Variants in ANKFN1 observed in about 807,000 individuals in gnomAD.
The protein encoded by ANKFN1 is ankyrin repeat and fibronectin type-III domain-containing protein 1.
ANKFN1 carries 74 observed loss-of-function variants against 108.7 expected under a neutral mutation model. The observed-to-expected ratio is 0.68, with a 90% CI of 0.56 to 0.83. The LOEUF is 0.83. Ranked by LOEUF, ANKFN1 falls within the 40% of genes least tolerant of loss-of-function variation. The pLI is 0.00. For missense variants in ANKFN1, 1,505 were observed against 1,382.3 expected, an observed-to-expected ratio of 1.09 and a Z score of -1.41; for synonymous variants, 547 against 516.2, an observed-to-expected ratio of 1.06 and a Z score of -0.81.
At chr17:56,471,191 A>T (rs1270432381) in intron 15 of ANKFN1, 1 of 152,696 alleles carries the variant, frequency 6.5e-6, no homozygotes, top group Admixed American at 6.5e-5. Flanking sequence ...GACCAAACCC[A>T]CAACTTCTGA....
At chr17:56,477,838 G>T (rs113852890) in intron 16 of ANKFN1, among the ~76,000 whole-genome samples, 184 bp downstream of exon 16, 1 of 151,826 alleles carries the variant, frequency 6.6e-6, no homozygotes, top group Non-Finnish European at 1.5e-5. Context: ...TGTTGTTGTT[G>T]TTTTTTGAGA....
chr17:56,312,559 A>G (rs1388290351), intron 3 of ANKFN1, among the ~76,000 whole-genome samples: 2 of 152,086 alleles, frequency 1.3e-5, no homozygotes, highest in Admixed American at 6.5e-5. Context: ...CTGGCCCTCC[A>G]TGGTCCTCCA....
At chr17:56,493,435 A>G (rs946482513) in intron 19 of ANKFN1, among the ~76,000 whole-genome samples, 1 of 152,188 alleles carries the variant, frequency 6.6e-6, no homozygotes, top group African/African-American at 2.4e-5. Flanking sequence ...GAAAGTATAA[A>G]CAGATGAGGC....
chr17:56,447,323 T>G (rs562370629), intron 10 of ANKFN1, among the ~76,000 whole-genome samples: 52 of 152,298 alleles, frequency 3.4e-4, no homozygotes, highest in African/African-American at 1.2e-3. Flanking sequence ...GAACAAAGAC[T>G]CTACAAAAGG....
At chr17:56,296,740 T>C (rs974060299) in intron 3 of ANKFN1, among the ~76,000 whole-genome samples, 7 of 152,174 alleles carry the variant, frequency 4.6e-5, no homozygotes, top group African/African-American at 1.7e-4. Flanking sequence ...GTGAAGCGCA[T>C]GAGCTTTGGA....
At chr17:56,485,480 A>G (rs2050825666) in intron 18 of ANKFN1, among the ~76,000 whole-genome samples, 1 of 152,186 alleles carries the variant, frequency 6.6e-6, no homozygotes, top group Non-Finnish European at 1.5e-5. Context: ...AAGATAGGAG[A>G]TGAGGTCAGA....
At chr17:56,131,276 C>T (rs983295644) in intron 4 of ANKFN1, among the ~76,000 whole-genome samples, 4 of 152,176 alleles carry the variant, frequency 2.6e-5, no homozygotes, top group African/African-American at 9.7e-5. Flanking sequence ...TTGAAACAAA[C>T]TGTATCTGTA....
chr17:56,068,116 C>G (rs1037550522), intron 4 of ANKFN1, among the ~76,000 whole-genome samples: 4 of 152,118 alleles, frequency 2.6e-5, no homozygotes, highest in African/African-American at 9.7e-5. Context: ...TTAACCTTGG[C>G]CTGGGAGACC....
intron 4 of ANKFN1, among the ~76,000 whole-genome samples, chr17:56,077,977 G>A (rs186944812): frequency 1.1e-3 from 162 of 152,206 alleles, no homozygotes; most frequent in African/African-American, 3.7e-3. Context: ...ATTTTAGATT[G>A]TATTCTAGTC....
intron 4 of ANKFN1, among the ~76,000 whole-genome samples, chr17:56,094,709 A>G (rs1199348162): frequency 7.2e-6 from 1 of 139,570 alleles, no homozygotes; most frequent in African/African-American, 2.7e-5. Flanking sequence ...TTTAGTAGAG[A>G]CGGGGTTTCA....
At chr17:56,169,276 T>G (rs932146687) in intron 1 of ANKFN1, among the ~76,000 whole-genome samples, 1 of 152,056 alleles carries the variant, frequency 6.6e-6, no homozygotes, top group African/African-American at 2.4e-5. Flanking sequence ...TTATTATCAT[T>G]ATTATTTTTT....
intron 4 of ANKFN1, among the ~76,000 whole-genome samples, chr17:56,128,246 T>C (rs1907055008): frequency 6.6e-6 from 1 of 152,064 alleles, no homozygotes; most frequent in South Asian, 2.1e-4. Flanking sequence ...TTTTTTTTTT[T>C]TCCTGGGAGG....
chr17:56,049,858 G>C (rs1422472570), intron 4 of ANKFN1, among the ~76,000 whole-genome samples: 1 of 150,748 alleles, frequency 6.6e-6, no homozygotes, highest in Non-Finnish European at 1.5e-5. Context: ...ACATACGTGT[G>C]CATGTGTCTT....
chr17:56,372,508 A>G, intron 6 of ANKFN1, 138 bp from the exon 7 acceptor site: 1 of 740,746 alleles, frequency 1.3e-6, no homozygotes, highest in Non-Finnish European at 2.2e-6. Context: ...AAGATACTTG[A>G]TAACAAACAC....
chr17:56,403,827 C>T (rs2047836050), intron 8 of ANKFN1, among the ~76,000 whole-genome samples: 1 of 152,052 alleles, frequency 6.6e-6, no homozygotes, highest in African/African-American at 2.4e-5. Flanking sequence ...AGGTTTAGAG[C>T]TCCTTTTAGC....
chr17:56,205,855 G>T (rs1914487792), intron 1 of ANKFN1, among the ~76,000 whole-genome samples: 1 of 152,136 alleles, frequency 6.6e-6, no homozygotes, highest in African/African-American at 2.4e-5. Flanking sequence ...ATCAAGAAAT[G>T]TCAGAATCTC....
At chr17:56,420,554 T>C (rs1260424540) in intron 8 of ANKFN1, among the ~76,000 whole-genome samples, 1 of 152,146 alleles carries the variant, frequency 6.6e-6, no homozygotes, top group Non-Finnish European at 1.5e-5. Context: ...TAATTGTGCA[T>C]AACCCTGGAT....
chr17:56,302,827 A>G (rs2044712645), intron 3 of ANKFN1, among the ~76,000 whole-genome samples: 1 of 152,188 alleles, frequency 6.6e-6, no homozygotes, highest in Non-Finnish European at 1.5e-5. Flanking sequence ...CTTCTTGAAT[A>G]TCTTTCTGTG....
chr17:56,497,276 C>T (rs1210288853), intron 19 of ANKFN1, among the ~76,000 whole-genome samples: 1 of 152,132 alleles, frequency 6.6e-6, no homozygotes, highest in African/African-American at 2.4e-5. Context: ...AGTGTCTCCT[C>T]ATGGGCCTGC....
Sources: allele counts gnomAD v4.1 joint callset (sites outside exome capture counted in the v4.1 genomes callset), GRCh38; gene constraint gnomAD v4.1.1; transcripts MANE v1.5; gene names NCBI Gene and HGNC (gene_info 2026-07-23, HGNC 2026-07-21).